The following EPHA7 variants were observed in gnomAD, a reference collection of about 807,000 sequenced individuals.
EPHA7 encodes the protein EPH receptor A7.
In EPHA7, 25 loss-of-function variants were observed where a neutral mutation model predicts 112.6. The observed-to-expected ratio is 0.22, with a 90% confidence interval of 0.16 to 0.31. EPHA7 has a LOEUF of 0.31. EPHA7 is among the 10% of genes least tolerant of loss of function. EPHA7 has a pLI of 1.00. For missense variants in EPHA7, 962 were observed against 1,212.6 expected (o/e 0.79, Z 3.07); for synonymous variants, 437 against 406.5 (o/e 1.07, Z -0.90).
Position 93,278,707 on chromosome 6 carries a change from G to GT in EPHA7, c.1325-6286dup, listed in dbSNP as rs532661131. On this transcript the variant is annotated intron_variant, in intron 5 of 16. Transcript: ENST00000369303. ...TGAGGTAAATACTGCTTTTCTTGCT[G>GT]TTTTTTTTTGTTGTTGTTGTGTGTG... Among the ~76,000 whole-genome samples, 342 of 150,048 alleles carry GT rather than the reference G, an allele frequency of 2.3e-3. 2 individuals are homozygous for GT. The highest frequency in any genetic ancestry group is 0.014 in the Middle Eastern group (4 of 294).
intron 3 of EPHA7, among the ~76,000 whole-genome samples, chr6:93,371,045 T>G (rs914391390): frequency 2.0e-5 from 3 of 150,560 alleles, no homozygotes; most frequent in Admixed American, 6.6e-5. Flanking sequence ...GAGCCTGTAG[T>G]CCCAGCTACT....
intron 16 of EPHA7, among the ~76,000 whole-genome samples, chr6:93,244,690 A>G (rs1349192397): frequency 1.3e-5 from 2 of 152,146 alleles, no homozygotes; most frequent in Admixed American, 6.5e-5. Context: ...TTAAAAAAAA[A>G]AGAATTGATC....
chr6:93,311,576 C>A lies in EPHA7; in HGVS notation c.1325-39154G>T, dbSNP rs113084930. On this transcript the variant is annotated intron_variant, in intron 5 of 16. Transcript: ENST00000369303. ...ATTTTCACCACATCTGCAGTTACTT[C>A]TTCAACTGAAGTCTTGAACCCCTCA... Among the ~76,000 whole-genome samples the A allele has an allele frequency of 3.5e-4, 53 of 152,254 alleles. 1 individual carries two copies. Among genetic ancestry groups the A allele is most frequent in the African/African-American group, 1.2e-3 (50 of 41,564 alleles).
chr6:93,249,291 A>G (rs958923882), intron 14 of EPHA7, among the ~76,000 whole-genome samples: 5 of 152,196 alleles, frequency 3.3e-5, no homozygotes, highest in African/African-American at 1.2e-4. Context: ...ATATTTTTTA[A>G]AAAACATTTT....
intron 5 of EPHA7, among the ~76,000 whole-genome samples, chr6:93,335,054 T>A (rs1382941549): frequency 6.6e-6 from 1 of 152,048 alleles, no homozygotes; most frequent in East Asian, 1.9e-4. Flanking sequence ...AGCAACTGTA[T>A]GGGCTTTATC....
At chr6:93,392,526 C>CA (rs1777962708) in intron 3 of EPHA7, among the ~76,000 whole-genome samples, 1 of 151,800 alleles carries the variant, frequency 6.6e-6, no homozygotes, top group South Asian at 2.1e-4. Flanking sequence ...GATTATATGA[C>CA]AAAAATCTTA....
intron 3 of EPHA7, among the ~76,000 whole-genome samples, chr6:93,402,870 C>T (rs1051383894): frequency 4.6e-5 from 7 of 151,900 alleles, no homozygotes; most frequent in African/African-American, 1.7e-4. Context: ...TGTTAGCAGG[C>T]TCTTAGATCT....
chr6:93,381,878 A>C (rs528830556), intron 3 of EPHA7, among the ~76,000 whole-genome samples: 1 of 152,264 alleles, frequency 6.6e-6, no homozygotes, highest in East Asian at 1.9e-4. Flanking sequence ...TTCCAGTCAC[A>C]AATTCTGAAA....
chr6:93,387,934 GATAGATA>G (rs1777701070), intron 3 of EPHA7, among the ~76,000 whole-genome samples: 1 of 139,978 alleles, frequency 7.1e-6, no homozygotes, highest in Non-Finnish European at 1.6e-5. Flanking sequence ...CAGATAGATA[GATAGATA>G]GATAGATAGA....
At chr6:93,313,333 G>A (rs573699561) in intron 5 of EPHA7, among the ~76,000 whole-genome samples, 117 of 152,038 alleles carry the variant, frequency 7.7e-4, no homozygotes, top group African/African-American at 2.6e-3. Flanking sequence ...GATGCTATGT[G>A]GTATTGAGGA....
chr6:93,349,305 A>C (rs1365143203), intron 5 of EPHA7, among the ~76,000 whole-genome samples: 1 of 151,912 alleles, frequency 6.6e-6, no homozygotes, highest in Non-Finnish European at 1.5e-5. Context: ...CTAACAGTCT[A>C]AAGTTACTCC....
At chr6:93,262,888 G>T (rs1222122688) in intron 9 of EPHA7, among the ~76,000 whole-genome samples, 1 of 151,128 alleles carries the variant, frequency 6.6e-6, no homozygotes, top group African/African-American at 2.4e-5. Context: ...TCTTGATGGA[G>T]GCTTTGATAT....
At chr6:93,408,747 T>C (rs1042345444) in intron 3 of EPHA7, among the ~76,000 whole-genome samples, 1 of 152,054 alleles carries the variant, frequency 6.6e-6, no homozygotes, top group African/African-American at 2.4e-5. Flanking sequence ...ACTCTTTGAA[T>C]AGGACAGAAA....
chr6:93,309,901 T>TATAAAA (rs1773446024), intron 5 of EPHA7, among the ~76,000 whole-genome samples: 1 of 152,186 alleles, frequency 6.6e-6, no homozygotes. Context: ...AATTTTGACT[T>TATAAAA]TTTAAAATGG....
chr6:93,243,987 T>A (rs1253812420), intron 16 of EPHA7, among the ~76,000 whole-genome samples: 1 of 152,122 alleles, frequency 6.6e-6, no homozygotes, highest in Non-Finnish European at 1.5e-5. Context: ...CCATGTAAGT[T>A]TTTATACTGG....
At chr6:93,299,871 G>A (rs1772883064) in intron 5 of EPHA7, among the ~76,000 whole-genome samples, 1 of 152,154 alleles carries the variant, frequency 6.6e-6, no homozygotes, top group South Asian at 2.1e-4. Context: ...AGTAGCAGAG[G>A]AACAGAAAAG....
chr6:93,380,257 T>C (rs935904265), intron 3 of EPHA7, among the ~76,000 whole-genome samples: 1 of 152,010 alleles, frequency 6.6e-6, no homozygotes, highest in Non-Finnish European at 1.5e-5. Context: ...ACAAGACAAA[T>C]ACTTTGGGAG....
intron 5 of EPHA7, among the ~76,000 whole-genome samples, chr6:93,282,933 G>T (rs998776212): frequency 6.6e-6 from 1 of 152,168 alleles, no homozygotes; most frequent in African/African-American, 2.4e-5. Flanking sequence ...CCCGAGGAGC[G>T]CTGCCCCCTT....
chr6:93,318,093 A>G (rs899555790), intron 5 of EPHA7, among the ~76,000 whole-genome samples: 3 of 152,192 alleles, frequency 2.0e-5, no homozygotes, highest in African/African-American at 7.2e-5. Context: ...TACTTATAAG[A>G]CATACTGTAC....
Sources: gnomAD v4.1 joint callset for allele counts (sites outside exome capture counted in the v4.1 genomes callset) on GRCh38, gnomAD v4.1.1 for gene constraint, MANE v1.5 for transcripts, NCBI Gene and HGNC (gene_info 2026-07-23, HGNC 2026-07-21) for gene names.